The following KMT2B variants were observed in gnomAD, a reference collection of about 807,000 sequenced individuals.
The protein encoded by KMT2B is lysine methyltransferase 2B.
A neutral mutation model predicts 255.3 loss-of-function variants in KMT2B; 22 were observed. That is an observed-to-expected ratio of 0.09 (90% confidence interval 0.06 to 0.12). KMT2B has a LOEUF of 0.12. KMT2B is among the 10% of genes least tolerant of loss of function. The pLI, the probability that KMT2B is intolerant of heterozygous loss-of-function variation, is 1.00. For synonymous variants in KMT2B, 1,730 were observed against 1,498.1 expected (o/e 1.15, Z -3.57); for missense variants, 3,149 against 3,737.0 (o/e 0.84, Z 4.10).
At position 35,736,710 on chromosome 19, in the gene KMT2B, G is replaced by GAAGAGCCTCCATCCCCAGATGATA; in HGVS notation, c.7186_7209dup (p.Pro2396_Glu2403dup). The GAAGAGCCTCCATCCCCAGATGATA allele has an allele frequency of 6.2e-7, 1 of 1,613,914 alleles. No individual in the cohort carries two copies. ...ACCAGGTGAGGCTTCGAGCTCTGAGGAAGAGCCTCCATCCCCAGATGATAA... is the reference window on the plus strand; with the variant it reads ...ACCAGGTGAGGCTTCGAGCTCTGAGGAAGAGCCTCCATCCCCAGATGATAAAGAGCCTCCATCCCCAGATGATAA... On this transcript the variant is annotated inframe_insertion, in exon 31 of 37. Coordinates refer to ENST00000420124, the MANE Select transcript of KMT2B (RefSeq NM_014727.3).
In KMT2B at chr19:35,718,005, C is replaced by T; in HGVS notation, c.-14C>T. ...CCCTCCCCCCGCCTCCCCGGCCCCTCTCACGGTGCCAAGATGGCGGCGGCG... is the reference window on the plus strand; with the variant it reads ...CCCTCCCCCCGCCTCCCCGGCCCCTTTCACGGTGCCAAGATGGCGGCGGCG... On this transcript the variant is annotated 5_prime_UTR_variant, in exon 1 of 37. Transcript: ENST00000420124. This position sits in a 1 kb window ranked among gnomAD's most constrained non-coding sequence, Gnocchi z 5.0. The T allele has an allele frequency of 7.1e-6, 7 of 985,988 alleles. No individual in the cohort carries two copies. The highest frequency in any genetic ancestry group is 8.4e-6 in the Non-Finnish European group (7 of 831,172). 61.1% of individuals were successfully genotyped at this position (985,988 alleles called of 1,614,324 possible). A position where few individuals can be genotyped will look rare whatever the true frequency, so the allele number is the denominator to read the frequency against.
At chr19:35,728,534 G>C (rs1232769526) in intron 19 of KMT2B, among the ~76,000 whole-genome samples, 1 of 152,160 alleles carries the variant, frequency 6.6e-6, no homozygotes, top group African/African-American at 2.4e-5. Flanking sequence ...GTCAGGGAAG[G>C]CTTCCTGAAA....
intron 22 of KMT2B, 45 bp from the exon 23 acceptor site, chr19:35,729,922 A>G: frequency 6.3e-7 from 1 of 1,578,440 alleles, no homozygotes; most frequent in Non-Finnish European, 8.6e-7. Context: ...CCTGGCGCCC[A>G]GCCCCAGCCC....
chr19:35,730,904 T>A, intron 26 of KMT2B, 37 bp downstream of exon 26: 1 of 1,546,736 alleles, frequency 6.5e-7, no homozygotes, highest in Non-Finnish European at 8.7e-7. Flanking sequence ...TGAATACCGC[T>A]CTCCCTAAAC....
At position 35,737,421 on chromosome 19, in the gene KMT2B, C is replaced by G; in HGVS notation, c.7550+158C>G. 3 of 920,584 alleles carry G rather than the reference C, an allele frequency of 3.3e-6. No homozygotes were observed. In the East Asian group the frequency reaches 8.1e-5, roughly 25 times the overall value. 57.0% of individuals were successfully genotyped at this position (920,584 alleles called of 1,614,324 possible). A position where few individuals can be genotyped will look rare whatever the true frequency, so the allele number is the denominator to read the frequency against. ...AGTTAGCCAGGCTCCGTGGCTCATG[C>G]CTGTAATCCCGCCACTTTGGGAGGC... On this transcript the variant is annotated intron_variant, in intron 33 of 36. Transcript: ENST00000420124. This position sits in a 1 kb window ranked among gnomAD's most constrained non-coding sequence, Gnocchi z 5.3.
Position 35,719,512 on chromosome 19 carries a change from C to G in KMT2B, c.407C>G (p.Ser136Cys), listed in dbSNP as rs757786369. The change falls in exon 2 of 37, where the codon TCC becomes TGC. Residue 136 changes from serine (S) to cysteine (C), a missense_variant. Physicochemically the swap from Ser to Cys is moderately radical, Grantham distance 112. Coordinates refer to ENST00000420124, the MANE Select transcript of KMT2B (RefSeq NM_014727.3). ...FHSDEDVAPS[S>C]LRSALRSQRG... ...TCAGATGAAGATGTGGCCCCCAGTT[C>G]CCTGCGCTCTGCGCTCCGATCCCAG... 1 of 1,592,314 alleles carries G rather than the reference C, an allele frequency of 6.3e-7. No homozygotes were observed. Among genetic ancestry groups the G allele is most frequent in the Admixed American group, 1.8e-5 (1 of 56,756 alleles).
Position 35,723,876 on chromosome 19 carries a change from A to G in KMT2B, c.3203A>G (p.Asp1068Gly). The G allele has an allele frequency of 6.2e-7, 1 of 1,609,464 alleles. No homozygotes were observed. The highest frequency in any genetic ancestry group is 8.5e-7 in the Non-Finnish European group (1 of 1,178,498). The change falls in exon 8 of 37, where the codon GAC (aspartate) becomes GGC (glycine). Residue 1068 changes from aspartate to glycine, a missense_variant. By Grantham distance (94) the Asp-to-Gly change is moderately conservative (BLOSUM62 -1). Transcript: ENST00000420124. The surrounding 1 kb of genome is among the most constrained non-coding windows in gnomAD (Gnocchi z 7.5). ...GCCCACCCAGGGCCCGAGGAGCAGGACTCCCTCCTGCAGCGCAAGTCAGCT... is the reference window on the plus strand; with the variant it reads ...GCCCACCCAGGGCCCGAGGAGCAGGGCTCCCTCCTGCAGCGCAAGTCAGCT... ...VVAHPGPEEQ[D>G]SLLQRKSARR...
Position 35,727,046 on chromosome 19 carries a change from A to G in KMT2B, c.4004-110A>G. 1.4e-6 allele frequency: 1 copy of G among 703,734 alleles called. No individual in the cohort carries two copies. Among genetic ancestry groups the G allele is most frequent in the South Asian group, 1.9e-5 (1 of 53,874 alleles). The allele number at this position is 703,734 out of a possible 1,614,324, so 43.6% of individuals were successfully genotyped here. A position where few individuals can be genotyped will look rare whatever the true frequency, so the allele number is the denominator to read the frequency against. ...GCTTTTAGGGACTAGTAGGGGCCCAAAACAGGGGCATAGTGGAGGCAGCTA... is the reference window on the plus strand; with the variant it reads ...GCTTTTAGGGACTAGTAGGGGCCCAGAACAGGGGCATAGTGGAGGCAGCTA... On this transcript the variant is annotated intron_variant, in intron 14 of 36. Coordinates refer to ENST00000420124, the MANE Select transcript of KMT2B (RefSeq NM_014727.3). This position sits in a 1 kb window ranked among gnomAD's most constrained non-coding sequence, Gnocchi z 4.2.
intron 5 of KMT2B, 66 bp downstream of exon 5, chr19:35,722,784 C>T: frequency 6.6e-7 from 1 of 1,524,068 alleles, no homozygotes. Context: ...TGACATGCAC[C>T]AAGAGCCTAG....
intron 8 of KMT2B, 30 bp downstream of exon 8, chr19:35,724,037 A>G: frequency 6.5e-7 from 1 of 1,540,840 alleles, no homozygotes; most frequent in South Asian, 1.2e-5. Context: ...TTCTCTGTTG[A>G]TCATTTATTT....
At position 35,723,940 on chromosome 19, in the gene KMT2B, C is replaced by G; in HGVS notation, c.3267C>G (p.Phe1089Leu). 5.6e-6 allele frequency: 9 copies of G among 1,612,188 alleles called. No homozygotes were observed. The highest frequency in any genetic ancestry group is 7.6e-6 in the Non-Finnish European group (9 of 1,179,436). Residue 1089 changes from phenylalanine (F) to leucine (L), a missense_variant, in exon 8 of 37, where the codon TTC becomes TTG. Physicochemically the swap from Phe to Leu is conservative, Grantham distance 22. Around this residue, in one of 18 missense-constraint regions of KMT2B, gnomAD observed 136 missense variants for 137.3 expected, o/e 0.99. Transcript: ENST00000420124. This position sits in a 1 kb window ranked among gnomAD's most constrained non-coding sequence, Gnocchi z 7.5. ...CVKQRPSYDI[F>L]EDSDDSEPGG... ...AACAGCGACCCTCCTATGATATCTT[C>G]GAGGATTCGGATGACTCGGAGCCCG...
At position 35,730,880 on chromosome 19, in the gene KMT2B, CTCTG is replaced by C; in HGVS notation, c.5437+17_5437+20del. The C allele has an allele frequency of 6.3e-7, 1 of 1,584,196 alleles. No homozygotes were observed. Among genetic ancestry groups the C allele is most frequent in the Non-Finnish European group, 8.6e-7 (1 of 1,164,468 alleles). On this transcript the variant is annotated intron_variant, in intron 26 of 36. Coordinates refer to ENST00000420124, the MANE Select transcript of KMT2B (RefSeq NM_014727.3). ...GCCCCTTCCTCAGGTGTGGCTTTGG[CTCTG>C]TCTTCTTCCTGAATACCGCTCTCCC... is the stretch of plus-strand genomic sequence containing the variant.
chr19:35,729,143 T>G lies in KMT2B; in HGVS notation c.4780-16T>G. 2 of 1,613,826 alleles carry G rather than the reference T, an allele frequency of 1.2e-6. No homozygotes were observed. Among genetic ancestry groups the G allele is most frequent in the Non-Finnish European group, 1.7e-6 (2 of 1,179,806 alleles). On this transcript the variant is annotated splice_polypyrimidine_tract_variant and intron_variant, in intron 21 of 36. Transcript: ENST00000420124. The stretch of plus-strand genomic sequence containing the variant: ...CCCTGGCCTCCCCACATCATGCCAC[T>G]CCTCTTCTGCCCCAGGAGGCGGGGC...
chr19:35,726,979 G>C, intron 14 of KMT2B, among the ~76,000 whole-genome samples, 177 bp from the exon 15 acceptor site: 1 of 107,340 alleles, frequency 9.3e-6, no homozygotes, highest in Non-Finnish European at 1.8e-5. Flanking sequence ...GCAAGACACT[G>C]TCTCAAAAAA....
chr19:35,732,578 C>T lies in KMT2B; in HGVS notation c.6029C>T (p.Ala2010Val), dbSNP rs764680579. The change falls in exon 28 of 37, where the codon GCT (alanine) becomes GTT (valine). Residue 2010 changes from alanine (A) to valine (V), a missense_variant. Physicochemically the swap from Ala to Val is moderately conservative, Grantham distance 64. Around this residue, in one of 18 missense-constraint regions of KMT2B, gnomAD observed 897 missense variants for 825.3 expected, o/e 1.09. Transcript: ENST00000420124. Reference protein sequence around the residue: ...TEPFQEEIVAAGAMGSSHGGP... With the variant: ...TEPFQEEIVAVGAMGSSHGGP... ...CCCTTCCAGGAAGAGATTGTAGCCGCTGGGGCCATGGGGAGCAGCCACGGG... is the reference window on the plus strand; with the variant it reads ...CCCTTCCAGGAAGAGATTGTAGCCGTTGGGGCCATGGGGAGCAGCCACGGG... 51 of 1,613,474 alleles carry T rather than the reference C, an allele frequency of 3.2e-5. No individual in the cohort carries two copies. In the African/African-American group the frequency reaches 5.3e-4, roughly 17 times the overall value.
intron 2 of KMT2B, 50 bp from the exon 3 acceptor site, chr19:35,719,734 T>C (rs2092859155): frequency 6.5e-7 from 1 of 1,536,610 alleles, no homozygotes; most frequent in South Asian, 1.3e-5. Context: ...CGCCTTCCTC[T>C]GTGTGTAGGG....
rs966980265 is a variant in KMT2B, at chr19:35,723,614, C to T, written c.3058+112C>T. On this transcript the variant is annotated intron_variant, in intron 7 of 36. Coordinates refer to ENST00000420124, the MANE Select transcript of KMT2B (RefSeq NM_014727.3). This position sits in a 1 kb window ranked among gnomAD's most constrained non-coding sequence, Gnocchi z 7.5. Reference sequence around the variant, plus strand: ...TGCAGCTCACCCTCTCCATCTTCTCCGTTGTGTGCTTTCATAGCTCCTGCG... The same window carrying T: ...TGCAGCTCACCCTCTCCATCTTCTCTGTTGTGTGCTTTCATAGCTCCTGCG... The T allele has an allele frequency of 1.6e-5, 21 of 1,293,148 alleles. No individual in the cohort carries two copies. The highest frequency in any genetic ancestry group is 1.3e-4 in the East Asian group (5 of 39,628). The allele number at this position is 1,293,148 out of a possible 1,614,324, so 80.1% of individuals were successfully genotyped here.
At position 35,723,642 on chromosome 19, in the gene KMT2B, C is replaced by A; in HGVS notation, c.3059-90C>A. On this transcript the variant is annotated intron_variant, in intron 7 of 36. Transcript: ENST00000420124. The surrounding 1 kb of genome is among the most constrained non-coding windows in gnomAD (Gnocchi z 7.5). ...TGTGTGCTTTCATAGCTCCTGCGTT[C>A]ATTCCCTGCCCCGCTTCTTTCTGGC... 1 of 1,327,406 alleles carries A rather than the reference C, an allele frequency of 7.5e-7. No homozygotes were observed. The highest frequency in any genetic ancestry group is 2.5e-5 in the East Asian group (1 of 40,750). 82.2% of individuals were successfully genotyped at this position (1,327,406 alleles called of 1,614,324 possible).
chr19:35,726,178 G>T, intron 13 of KMT2B, 58 bp from the exon 14 acceptor site: 1 of 1,319,394 alleles, frequency 7.6e-7, no homozygotes, highest in South Asian at 1.2e-5. Context: ...CCCGTCTCCC[G>T]CTCATGTTGC....
Sources: allele counts gnomAD v4.1 joint callset (sites outside exome capture counted in the v4.1 genomes callset), GRCh38; gene constraint gnomAD v4.1.1; regional missense constraint gnomAD v4.1.1; non-coding constraint Gnocchi (gnomAD v3.1); transcripts MANE v1.5; gene names NCBI Gene and HGNC (gene_info 2026-07-23, HGNC 2026-07-21).